The following CCDC136 variants were observed in gnomAD, a reference collection of about 807,000 sequenced individuals.
The protein encoded by CCDC136 is coiled-coil domain containing 136.
Under a neutral mutation model 141.2 loss-of-function variants are expected in CCDC136, and 100 were observed. That is an observed-to-expected ratio of 0.71 (90% confidence interval 0.60 to 0.84). The LOEUF (loss-of-function observed/expected upper bound fraction) is 0.84, where lower values mean the gene tolerates loss of function less well. Ranked by LOEUF, CCDC136 falls within the 40% of genes least tolerant of loss-of-function variation. The probability of loss-of-function intolerance (pLI) is 0.00; values close to 1 mark genes in which losing one functional copy is unlikely to be tolerated. For missense variants in CCDC136, 1,206 were observed against 1,379.4 expected (o/e 0.87, Z 1.99); for synonymous variants, 474 against 531.9 (o/e 0.89, Z 1.50).
At position 128,804,632 on chromosome 7, in the gene CCDC136, T is replaced by C; in HGVS notation, c.671-18T>C. 1 of 1,485,488 alleles carries C rather than the reference T, an allele frequency of 6.7e-7. No homozygotes were observed. The allele number at this position is 1,485,488 out of a possible 1,614,324, so 92.0% of individuals were successfully genotyped here. On this transcript the variant is annotated intron_variant, in intron 4 of 17. Coordinates refer to ENST00000297788, the MANE Select transcript of CCDC136 (RefSeq NM_022742.5). ...TCCTTTCCTCCCGGTCTCATCTCTC[T>C]CTGCCTGTCCTCTGCAGAAGAACTG...
chr7:128,819,512 G>C (rs1807147323), intron 17 of CCDC136, among the ~76,000 whole-genome samples: 1 of 152,150 alleles, frequency 6.6e-6, no homozygotes, highest in Non-Finnish European at 1.5e-5. Flanking sequence ...GTAGATGAAA[G>C]TATTCTATAA....
chr7:128,814,511 C>T (rs913567590), intron 14 of CCDC136, 127 bp from the exon 15 acceptor site: 5 of 628,032 alleles, frequency 8.0e-6, no homozygotes, highest in African/African-American at 7.5e-5. Context: ...TTGTCTACTT[C>T]CTATGGGCTT....
At chr7:128,797,623 C>T (rs980844596) in intron 3 of CCDC136, among the ~76,000 whole-genome samples, 4 of 152,126 alleles carry the variant, frequency 2.6e-5, no homozygotes, top group African/African-American at 9.7e-5. Context: ...TGAGACATCT[C>T]AGTGCATGGA....
At chr7:128,818,070 T>C (rs1423628176) in intron 17 of CCDC136, 7 of 540,900 alleles carry the variant, frequency 1.3e-5, no homozygotes, top group Non-Finnish European at 2.3e-5. Flanking sequence ...TCGTAATGCA[T>C]AGGAGGTTGG....
chr7:128,798,159 C>T (rs1803361406), intron 3 of CCDC136, among the ~76,000 whole-genome samples: 1 of 148,578 alleles, frequency 6.7e-6, no homozygotes, highest in Non-Finnish European at 1.5e-5. Context: ...CCTCATGATC[C>T]GCCCGCCTCT....
At chr7:128,803,225 C>T (rs530311305) in intron 4 of CCDC136, among the ~76,000 whole-genome samples, 11 of 152,212 alleles carry the variant, frequency 7.2e-5, no homozygotes, top group South Asian at 6.2e-4. Flanking sequence ...AGGCTGGTCT[C>T]GAACTCCTGG....
In CCDC136 at chr7:128,805,399, C is replaced by T. The variant is rs1288855048; in HGVS notation, c.823C>T (p.Leu275=). Reference sequence around the variant, plus strand: ...AGAGAGATGGCTGCAGTCCCAAACACTGAGTATGACGTCAGCAGAGTCTCA... The same window carrying T: ...AGAGAGATGGCTGCAGTCCCAAACATTGAGTATGACGTCAGCAGAGTCTCA... The part of the protein sequence containing the change: ...ATERWLQSQT[L]SMTSAESQTS... Residue 275 remains leucine, a synonymous_variant, in exon 6 of 18, where the codon CTG becomes TTG. Transcript: ENST00000297788. This position sits in a 1 kb window ranked among gnomAD's most constrained non-coding sequence, Gnocchi z 4.6. 11 of 1,613,834 alleles carry T rather than the reference C, an allele frequency of 6.8e-6. No individual in the cohort carries two copies. The highest frequency in any genetic ancestry group is 6.7e-5 in the Admixed American group (4 of 60,008).
chr7:128,812,386 G>C (rs1395692850), intron 13 of CCDC136, 74 bp downstream of exon 13: 1 of 1,453,400 alleles, frequency 6.9e-7, no homozygotes, highest in African/African-American at 1.4e-5. Flanking sequence ...ATCGCCAGGG[G>C]AAGGGGCAAG....
chr7:128,798,169 T>G (rs377382430), intron 3 of CCDC136, among the ~76,000 whole-genome samples: 3 of 149,682 alleles, frequency 2.0e-5, no homozygotes, highest in Non-Finnish European at 4.5e-5. Context: ...CGCCCGCCTC[T>G]GCCTCCCAAA....
Position 128,794,474 on chromosome 7 carries a change from A to T in CCDC136, c.143A>T (p.His48Leu). 2 of 1,552,244 alleles carry T rather than the reference A, an allele frequency of 1.3e-6. No homozygotes were observed. The highest frequency in any genetic ancestry group is 1.7e-6 in the Non-Finnish European group (2 of 1,147,208). Residue 48 changes from histidine to leucine, a missense_variant, in exon 2 of 18, where the codon CAC (histidine) becomes CTC (leucine). His to Leu is a moderately conservative substitution (Grantham distance 99). Transcript: ENST00000297788. The surrounding 1 kb of genome is among the most constrained non-coding windows in gnomAD (Gnocchi z 4.3). ...GTTGGCTCTCTGTCAGTCAACAAGC[A>T]CCGGGGACTGAGCCTCACGGAGACA... ...GSVGSLSVNK[H>L]RGLSLTETEL...
intron 12 of CCDC136, chr7:128,811,375 T>G (rs1371135242): frequency 2.2e-6 from 1 of 457,918 alleles, no homozygotes; most frequent in Non-Finnish European, 4.4e-6. Context: ...TTCCAATTCT[T>G]CATATTGCCG....
At chr7:128,811,386 C>T (rs1389075801) in intron 12 of CCDC136, 1 of 458,922 alleles carries the variant, frequency 2.2e-6, no homozygotes, top group Non-Finnish European at 4.4e-6. Flanking sequence ...CATATTGCCG[C>T]ATTCAAGGCC....
intron 12 of CCDC136, 66 bp from the exon 13 acceptor site, chr7:128,811,734 G>A: frequency 7.1e-7 from 1 of 1,406,006 alleles, no homozygotes; most frequent in South Asian, 1.4e-5. Flanking sequence ...TCTGTACCAG[G>A]AGAGGTGCAG....
Position 128,792,280 on chromosome 7 carries a change from GC to G in CCDC136, c.-126del. The G allele has an allele frequency of 1.5e-6, 2 of 1,334,780 alleles. No individual in the cohort carries two copies. Among genetic ancestry groups the G allele is most frequent in the Admixed American group, 4.5e-5 (2 of 44,624 alleles). The allele number at this position is 1,334,780 out of a possible 1,614,324, so 82.7% of individuals were successfully genotyped here. A position where few individuals can be genotyped will look rare whatever the true frequency, so the allele number is the denominator to read the frequency against. On this transcript the variant is annotated 5_prime_UTR_variant, in exon 1 of 18. An upstream open reading frame in the 5' UTR loses its in-frame stop. Coordinates refer to ENST00000297788, the MANE Select transcript of CCDC136 (RefSeq NM_022742.5). ...TCCTCTGCACCCCAGCCCGCAGCCA[GC>G]CCCCCACCCCCCAGCCCCTCCTTTC...
Position 128,801,491 on chromosome 7 carries a change from G to C in CCDC136, c.652G>C (p.Asp218His), listed in dbSNP as rs3816887. The C allele has an allele frequency of 4.5e-3, 7,237 of 1,603,782 alleles. 151 individuals are homozygous for C. The highest frequency in any genetic ancestry group is 0.043 in the East Asian group (1,905 of 44,586). Reference sequence around the variant, plus strand: ...ACCATCCGGTAGTTTAGGTCTCTCAGATTACTCTGGGTTACAAGGTATGAG... The same window carrying C: ...ACCATCCGGTAGTTTAGGTCTCTCACATTACTCTGGGTTACAAGGTATGAG... ...SEPSGSLGLS[D>H]YSGLQEELQE... Residue 218 changes from aspartate (D) to histidine (H), a missense_variant, in exon 4 of 18, where the codon GAT becomes CAT. By Grantham distance (81) the Asp-to-His change is moderately conservative. Coordinates refer to ENST00000297788, the MANE Select transcript of CCDC136 (RefSeq NM_022742.5).
intron 3 of CCDC136, among the ~76,000 whole-genome samples, chr7:128,796,802 C>T (rs967178974): frequency 2.2e-5 from 3 of 136,164 alleles, no homozygotes; most frequent in Admixed American, 7.5e-5. Context: ...AGTGCAGTGG[C>T]GGGATCTCGG....
chr7:128,819,065 C>T (rs568430252), intron 17 of CCDC136, among the ~76,000 whole-genome samples: 1 of 152,364 alleles, frequency 6.6e-6, no homozygotes, highest in East Asian at 1.9e-4. Flanking sequence ...CCTTTACTCC[C>T]TGGTCCACAA....
chr7:128,803,297 C>T (rs1406793308), intron 4 of CCDC136, among the ~76,000 whole-genome samples: 1 of 152,192 alleles, frequency 6.6e-6, no homozygotes, highest in Non-Finnish European at 1.5e-5. Context: ...TAAACCACTG[C>T]ACCCGGCCAA....
rs893719058 is a variant in CCDC136, at chr7:128,792,266, C to T, written c.-146C>T. The T allele has an allele frequency of 3.4e-5, 53 of 1,536,656 alleles. No individual in the cohort carries two copies. The South Asian group carries it at 6.4e-4, about 18-fold the overall frequency. ...CATGTCCCCTTCTTTCCTCTGCACC[C>T]CAGCCCGCAGCCAGCCCCCCACCCC... On this transcript the variant is annotated 5_prime_UTR_variant, in exon 1 of 18. Coordinates refer to ENST00000297788, the MANE Select transcript of CCDC136 (RefSeq NM_022742.5).
Sources: gnomAD v4.1 joint callset for allele counts (sites outside exome capture counted in the v4.1 genomes callset) on GRCh38, gnomAD v4.1.1 for gene constraint, Gnocchi (gnomAD v3.1) non-coding constraint, MANE v1.5 for transcripts, NCBI Gene and HGNC (gene_info 2026-07-23, HGNC 2026-07-21) for gene names.